The following OAS3 variants were observed in gnomAD, a reference collection of about 807,000 sequenced individuals.
OAS3 encodes the protein 2'-5'-oligoadenylate synthase 3.
OAS3 carries 107 observed loss-of-function variants against 113.0 expected under a neutral mutation model. The ratio of observed to expected loss-of-function variants is 0.95; its 90% confidence interval spans 0.81 to 1.11. The LOEUF (loss-of-function observed/expected upper bound fraction) is 1.11. OAS3 is among the 50% of genes most tolerant of loss of function. OAS3 has a pLI of 0.00. For synonymous variants in OAS3, 552 were observed against 573.6 expected (o/e 0.96, Z 0.54); for missense variants, 1,258 against 1,389.1 (o/e 0.91, Z 1.50).
intron 3 of OAS3, among the ~76,000 whole-genome samples, chr12:112,945,672 C>T (rs1043442061): frequency 1.5e-4 from 23 of 152,216 alleles, no homozygotes; most frequent in African/African-American, 5.3e-4. Context: ...CTGGCTCAGC[C>T]ATCTTCTTGC....
intron 7 of OAS3, among the ~76,000 whole-genome samples, chr12:112,953,652 G>C: frequency 6.6e-6 from 1 of 152,032 alleles, no homozygotes. Context: ...AGCACCTGTT[G>C]TTTCCTGACT....
chr12:112,967,890 C>T, intron 13 of OAS3, 46 bp from the exon 14 acceptor site: 2 of 1,585,094 alleles, frequency 1.3e-6, no homozygotes, highest in Non-Finnish European at 1.7e-6. Flanking sequence ...TTCTGTACCT[C>T]ATCAGTGCCA....
rs1014027877 is a variant in OAS3 at position 112,946,979 on chromosome 12, C to T, written c.873C>T (p.Pro291=). The change falls in exon 4 of 16, where the codon CCC becomes CCT. Residue 291 remains proline, a splice_region_variant and synonymous_variant. Coordinates refer to ENST00000228928, the MANE Select transcript of OAS3 (RefSeq NM_006187.4). ...GQFLQRQLKR[P]RPVILDPADP... is the part of the protein sequence containing the mutation. ...TCTTGCAGCGGCAGCTTAAGAGACC[C>T]AGGTACTTCCTAATAGCCCACCATC... 6.2e-7 allele frequency: 1 copy of T among 1,612,886 alleles called. No individual in the cohort carries two copies. The highest frequency in any genetic ancestry group is 1.3e-5 in the African/African-American group (1 of 74,912).
intron 7 of OAS3, among the ~76,000 whole-genome samples, chr12:112,952,487 T>A (rs913473677): frequency 1.6e-4 from 25 of 152,262 alleles, no homozygotes; most frequent in African/African-American, 6.0e-4. Flanking sequence ...TTTGATAATA[T>A]CTTGGAACTA....
chr12:112,947,669 T>C (rs768664621), intron 4 of OAS3, among the ~76,000 whole-genome samples: 1 of 152,240 alleles, frequency 6.6e-6, no homozygotes, highest in Non-Finnish European at 1.5e-5. Context: ...GAAATATACC[T>C]AGGAATGAAA....
At position 112,964,279 on chromosome 12, in the gene OAS3, C is replaced by G; in HGVS notation, c.2274C>G (p.Phe758Leu). Residue 758 changes from phenylalanine (F) to leucine (L), a missense_variant, in exon 11 of 16, where the codon TTC becomes TTG. Phe to Leu is a conservative substitution (Grantham distance 22). Transcript: ENST00000228928. Reference protein sequence around the residue: ...YQTPAGDLDKFISEFLQPNRQ... With the variant: ...YQTPAGDLDKLISEFLQPNRQ... ...CCCCAGCTGGGGACCTTGACAAGTTCATCAGTGAATTTCTCCAGCCCAACC... is the reference window on the plus strand; with the variant it reads ...CCCCAGCTGGGGACCTTGACAAGTTGATCAGTGAATTTCTCCAGCCCAACC... 1 of 1,603,680 alleles carries G rather than the reference C, an allele frequency of 6.2e-7. No homozygotes were observed. The highest frequency in any genetic ancestry group is 8.5e-7 in the Non-Finnish European group (1 of 1,174,818).
Position 112,959,487 on chromosome 12 carries a change from C to T in OAS3, c.1658-1584C>T, listed in dbSNP as rs574176211. On this transcript the variant is annotated intron_variant, in intron 7 of 15. Transcript: ENST00000228928. ...CTATTCAGCCATCTTGGAACCTCCT[C>T]TCTGGATTTCTTTTTAATTTGTCCT... 5.8e-4 allele frequency among the ~76,000 whole-genome samples: 88 copies of T among 152,312 alleles called. 1 individual carries two copies. Among genetic ancestry groups the T allele is most frequent in the African/African-American group, 2.1e-3 (87 of 41,528 alleles).
chr12:112,970,057 G>A lies in OAS3; in HGVS notation c.*84G>A. 6.8e-7 allele frequency: 1 copy of A among 1,467,094 alleles called. No individual in the cohort carries two copies. Among genetic ancestry groups the A allele is most frequent in the Non-Finnish European group, 9.4e-7 (1 of 1,063,370 alleles). The allele number at this position is 1,467,094 out of a possible 1,614,324, so 90.9% of individuals were successfully genotyped here. On this transcript the variant is annotated 3_prime_UTR_variant, in exon 16 of 16. Transcript: ENST00000228928. Reference sequence around the variant, plus strand: ...TGAGGAAATTCAGGGTCCCCTACCAGATGAGAGAGATTGTGTACATGTGTG... The same window carrying A: ...TGAGGAAATTCAGGGTCCCCTACCAAATGAGAGAGATTGTGTACATGTGTG...
Position 112,965,842 on chromosome 12 carries a change from C to A in OAS3, c.2502C>A (p.Asn834Lys). The A allele has an allele frequency of 1.9e-6, 3 of 1,613,832 alleles. No individual in the cohort carries two copies. The highest frequency in any genetic ancestry group is 2.5e-6 in the Non-Finnish European group (3 of 1,179,858). Reference protein sequence around the residue: ...SCFSQFTEQGNKRAEIISEIR... With the variant: ...SCFSQFTEQGKKRAEIISEIR... Reference sequence around the variant, plus strand: ...TCAGCCAGTTCACTGAGCAGGGCAACAAGCGGGCCGAGATCATCTCCGAGA... The same window carrying A: ...TCAGCCAGTTCACTGAGCAGGGCAAAAAGCGGGCCGAGATCATCTCCGAGA... Residue 834 changes from asparagine to lysine, a missense_variant, in exon 12 of 16, where the codon AAC (asparagine) becomes AAA (lysine). Physicochemically the swap from Asn to Lys is moderately conservative, Grantham distance 94 (BLOSUM62 0). Coordinates refer to ENST00000228928, the MANE Select transcript of OAS3 (RefSeq NM_006187.4).
At position 112,961,178 on chromosome 12, in the gene OAS3, A is replaced by C. The variant is rs1222185869; in HGVS notation, c.1765A>C (p.Asn589His). 2 of 1,613,174 alleles carry C rather than the reference A, an allele frequency of 1.2e-6. No individual in the cohort carries two copies. The highest frequency in any genetic ancestry group is 2.7e-5 in the African/African-American group (2 of 74,258). Residue 589 changes from asparagine to histidine, a missense_variant, in exon 8 of 16, where the codon AAC becomes CAC. Transcript: ENST00000228928. Reference sequence around the variant, plus strand: ...GGCCTGCTTCGCAGAGCTGCGGAGGAACTTCATGAACATTCGCCCTGTCAA... The same window carrying C: ...GGCCTGCTTCGCAGAGCTGCGGAGGCACTTCATGAACATTCGCCCTGTCAA... Reference protein sequence around the residue: ...HKACFAELRRNFMNIRPVKLK... With the variant: ...HKACFAELRRHFMNIRPVKLK...
chr12:112,964,403 G>T lies in OAS3; in HGVS notation c.2398G>T (p.Val800Phe), dbSNP rs751544461. Reference sequence around the variant, plus strand: ...TTCTCCCATCAAAGTGATCAAGGTGGTCAAGGTGAGTCCTCAGAGAGCTGT... The same window carrying T: ...TTCTCCCATCAAAGTGATCAAGGTGTTCAAGGTGAGTCCTCAGAGAGCTGT... ...RNSPIKVIKV[V>F]KGGSSAKGTA... The change falls in exon 11 of 16, where the codon GTC becomes TTC. Residue 800 changes from valine to phenylalanine, a missense_variant. Val to Phe is a conservative substitution (Grantham distance 50). Transcript: ENST00000228928. The T allele has an allele frequency of 2.5e-6, 4 of 1,610,796 alleles. No homozygotes were observed. In the Admixed American group the frequency reaches 5.0e-5, roughly 20 times the overall value.
chr12:112,955,061 G>A (rs1287205639), intron 7 of OAS3, among the ~76,000 whole-genome samples: 2 of 152,122 alleles, frequency 1.3e-5, no homozygotes, highest in Admixed American at 1.3e-4. Context: ...GGATTCCTGG[G>A]TATTTCATTC....
At chr12:112,939,106 G>A (rs1202619313) in intron 1 of OAS3, among the ~76,000 whole-genome samples, 1 of 152,100 alleles carries the variant, frequency 6.6e-6, no homozygotes, top group Non-Finnish European at 1.5e-5. Flanking sequence ...CAGACCTTAA[G>A]GTTACAGAAG....
At chr12:112,949,308 G>A in intron 6 of OAS3, 103 bp downstream of exon 6, 1 of 928,176 alleles carries the variant, frequency 1.1e-6, no homozygotes, top group Non-Finnish European at 1.6e-6. Context: ...TGGGGAACTG[G>A]ACGGCCCAGG....
At chr12:112,946,684 A>G (rs767287835) in intron 3 of OAS3, 59 bp from the exon 4 acceptor site, 75 of 1,450,604 alleles carry the variant, frequency 5.2e-5, no homozygotes, top group Non-Finnish European at 6.9e-5. Flanking sequence ...TTATGCAGAG[A>G]GCTGGCTCTC....
chr12:112,957,028 G>A (rs1169534094), intron 7 of OAS3, among the ~76,000 whole-genome samples: 5 of 152,094 alleles, frequency 3.3e-5, no homozygotes. Context: ...TTCCTGTATT[G>A]GGCGCATATA....
Position 112,963,301 on chromosome 12 carries a change from C to A in OAS3, c.2085-12C>A. 6.4e-7 allele frequency: 1 copy of A among 1,564,624 alleles called. No individual in the cohort carries two copies. Among genetic ancestry groups the A allele is most frequent in the African/African-American group, 1.4e-5 (1 of 73,378 alleles). On this transcript the variant is annotated splice_polypyrimidine_tract_variant and intron_variant, in intron 9 of 15. Coordinates refer to ENST00000228928, the MANE Select transcript of OAS3 (RefSeq NM_006187.4). This position sits in a 1 kb window ranked among gnomAD's most constrained non-coding sequence, Gnocchi z 4.6. ...CCCACCTTCCCCACCCACCTTCCTG[C>A]TGTGCCCCCAGACCCCTGGTCCTGG...
Position 112,970,365 on chromosome 12 carries a change from C to T in OAS3, c.*392C>T, listed in dbSNP as rs1174246346. 7.2e-6 allele frequency: 2 copies of T among 278,154 alleles called. No individual in the cohort carries two copies. The highest frequency in any genetic ancestry group is 2.2e-5 in the African/African-American group (1 of 46,036). 17.2% of individuals were successfully genotyped at this position (278,154 alleles called of 1,614,324 possible). ...ATCTTTCCTCCTGCTGCAATCCATC[C>T]CTTCCTCCCATTGGCCTCTCCTTGC... On this transcript the variant is annotated 3_prime_UTR_variant, in exon 16 of 16. Transcript: ENST00000228928.
At chr12:112,956,213 C>T (rs765538055) in intron 7 of OAS3, among the ~76,000 whole-genome samples, 8 of 151,708 alleles carry the variant, frequency 5.3e-5, no homozygotes, top group Non-Finnish European at 1.2e-4. Flanking sequence ...TGTGTCTATT[C>T]TATCCTTCTC....
Sources: gnomAD v4.1 joint callset for allele counts (sites outside exome capture counted in the v4.1 genomes callset) on GRCh38, gnomAD v4.1.1 for gene constraint, Gnocchi (gnomAD v3.1) non-coding constraint, MANE v1.5 for transcripts, NCBI Gene and HGNC (gene_info 2026-07-23, HGNC 2026-07-21) for gene names.